Variants in MUC5AC observed in about 807,000 individuals in gnomAD.
MUC5AC encodes the protein mucin-5AC.
A neutral mutation model predicts 169.7 loss-of-function variants in MUC5AC; 158 were observed. That is an observed-to-expected ratio of 0.93 (90% CI 0.82 to 1.06). MUC5AC has a LOEUF of 1.06. Ranked by LOEUF, MUC5AC falls within the 50% of genes least tolerant of loss-of-function variation. The pLI, the probability that MUC5AC is intolerant of heterozygous loss-of-function variation, is 0.00. For synonymous variants in MUC5AC, 1,975 were observed against 1,237.0 expected, an observed-to-expected ratio of 1.60 and a Z score of -12.52; for missense variants, 4,359 against 3,089.9, an observed-to-expected ratio of 1.41 and a Z score of -9.74.
chr11:1,198,767 T>C, intron 43 of MUC5AC, 107 bp from the exon 44 acceptor site: 1 of 647,656 alleles, frequency 1.5e-6, no homozygotes, highest in South Asian at 1.7e-5. Flanking sequence ...GGAAGCGGCC[T>C]GGAGGGGGAT....
rs971791287 is a variant in MUC5AC at position 1,189,620 on chromosome 11, T to A, written c.11475T>A (p.Ser3825=). Residue 3825 remains serine (S), a synonymous_variant, in exon 31 of 49, where the codon TCT becomes TCA. Coordinates refer to ENST00000621226, the MANE Select transcript of MUC5AC (RefSeq NM_001304359.2). ...CCACTCCGCAGACCAGCACAACCTC[T>A]TCCCCTACAACTAGCACAACCTCAG... ...TTSTPQTSTT[S]SPTTSTTSAP... is the part of the protein sequence containing the mutation. 1 of 616,344 alleles carries A rather than the reference T, an allele frequency of 1.6e-6. No individual in the cohort carries two copies. Among genetic ancestry groups the A allele is most frequent in the African/African-American group, 1.9e-5 (1 of 52,380 alleles). 38.2% of individuals were successfully genotyped at this position (616,344 alleles called of 1,614,324 possible).
intron 30 of MUC5AC, 121 bp from the exon 31 acceptor site, chr11:1,182,034 G>C (rs1860826289): frequency 2.5e-6 from 1 of 398,142 alleles, no homozygotes; most frequent in African/African-American, 2.1e-5. Context: ...GGGACCGCGG[G>C]TGGGGACAGG....
In MUC5AC at chr11:1,188,123, C is replaced by T. The variant is rs1554928496; in HGVS notation, c.9978C>T (p.Cys3326=). ...TCTGCTGCGAGACCCCTAAAGGTTGCCCCGTGACCTCCACACCTGTGACAG... is the reference window on the plus strand; with the variant it reads ...TCTGCTGCGAGACCCCTAAAGGTTGTCCCGTGACCTCCACACCTGTGACAG... The part of the protein sequence containing the change: ...RVLCCETPKG[C]PVTSTPVTAP... The change falls in exon 31 of 49, where the codon TGC becomes TGT. Residue 3326 remains cysteine, a synonymous_variant. Coordinates refer to ENST00000621226, the MANE Select transcript of MUC5AC (RefSeq NM_001304359.2). 680 of 730,250 alleles carry T rather than the reference C, an allele frequency of 9.3e-4. 7 individuals carry two copies. In the African/African-American group the frequency reaches 9.7e-3, roughly 10 times the overall value. 45.2% of individuals were successfully genotyped at this position (730,250 alleles called of 1,614,324 possible). A position where few individuals can be genotyped will look rare whatever the true frequency, so the allele number is the denominator to read the frequency against.
chr11:1,197,022 T>C, intron 40 of MUC5AC, 114 bp downstream of exon 40: 1 of 664,896 alleles, frequency 1.5e-6, no homozygotes, highest in Non-Finnish European at 2.7e-6. Context: ...CGGGGTGTCC[T>C]CTCTGTGTCA....
rs1399071116 is a variant in MUC5AC at position 1,175,943 on chromosome 11, GCA to G, written c.2402-200_2402-199del. ...CTCATGCACACACACTCATACTCAT[GCA>G]CACACACTCACACCCAGTTATGCAA... On this transcript the variant is annotated intron_variant, in intron 19 of 48. Coordinates refer to ENST00000621226, the MANE Select transcript of MUC5AC (RefSeq NM_001304359.2). Among the ~76,000 whole-genome samples the G allele has an allele frequency of 4.1e-5, 5 of 121,366 alleles. No homozygotes were observed. In the East Asian group the frequency reaches 9.7e-4, roughly 23 times the overall value. 79.6% of individuals were successfully genotyped at this position (121,366 alleles called of 152,430 possible). A position where few individuals can be genotyped will look rare whatever the true frequency, so the allele number is the denominator to read the frequency against.
In MUC5AC at chr11:1,195,164, A is replaced by T. The variant is rs755678285; in HGVS notation, c.15343A>T (p.Thr5115Ser). ...CCCGACGCCCACCACGGTCGGGCCC[A>T]CCACAGTTGGGTCTACCACGGTCGG... is the stretch of plus-strand genomic sequence containing the variant. ...PHPTPTTVGP[T>S]TVGSTTVGPT... Residue 5115 changes from threonine to serine, a missense_variant, in exon 36 of 49, where the codon ACC (threonine) becomes TCC (serine). By Grantham distance (58) the Thr-to-Ser change is moderately conservative. Transcript: ENST00000621226. The T allele has an allele frequency of 3.9e-6, 3 of 762,168 alleles. No homozygotes were observed. The allele number at this position is 762,168 out of a possible 1,614,324, so 47.2% of individuals were successfully genotyped here. A position where few individuals can be genotyped will look rare whatever the true frequency, so the allele number is the denominator to read the frequency against.
At chr11:1,163,308 C>A (rs564469572) in intron 6 of MUC5AC, among the ~76,000 whole-genome samples, 1 of 152,224 alleles carries the variant, frequency 6.6e-6, no homozygotes. Context: ...GACTGCACGC[C>A]CTCTCCTGAA....
At chr11:1,195,403 C>T in intron 36 of MUC5AC, 124 bp downstream of exon 36, 1 of 656,008 alleles carries the variant, frequency 1.5e-6, no homozygotes, top group Non-Finnish European at 2.8e-6. Context: ...GCTGCTGGTA[C>T]CACAGACCAA....
At chr11:1,200,270 C>G (rs1025750060) in intron 48 of MUC5AC, among the ~76,000 whole-genome samples, 168 bp from the exon 49 acceptor site, 1 of 152,234 alleles carries the variant, frequency 6.6e-6, no homozygotes, top group Non-Finnish European at 1.5e-5. Context: ...CCTGGTGGGA[C>G]TGTTGGCGCC....
rs1405724158 is a variant in MUC5AC, at chr11:1,175,088, G to A, written c.2299G>A (p.Gly767Ser). ...CAGCAACTGTCCCTGCTACCACAGA[G>A]GCTCCATGATCCCCAATGGGGAGTC... ...QASNCPCYHRGSMIPNGESVH... is the reference protein window; with the variant it reads ...QASNCPCYHRSSMIPNGESVH... Residue 767 changes from glycine to serine, a missense_variant, in exon 18 of 49, where the codon GGC becomes AGC. Gly to Ser is a moderately conservative substitution (Grantham distance 56). Transcript: ENST00000621226. The A allele has an allele frequency of 7.5e-6, 3 of 399,334 alleles. No individual in the cohort carries two copies. The highest frequency in any genetic ancestry group is 2.1e-5 in the African/African-American group (1 of 48,622). 24.7% of individuals were successfully genotyped at this position (399,334 alleles called of 1,614,324 possible). A position where few individuals can be genotyped will look rare whatever the true frequency, so the allele number is the denominator to read the frequency against.
intron 30 of MUC5AC, among the ~76,000 whole-genome samples, chr11:1,181,903 C>T (rs1173066775): frequency 2.6e-5 from 4 of 152,346 alleles, no homozygotes; most frequent in Middle Eastern, 3.4e-3. Flanking sequence ...CTGGAACTCA[C>T]GTGTTCTGGG....
intron 6 of MUC5AC, 137 bp from the exon 7 acceptor site, chr11:1,163,745 A>G (rs1185951566): frequency 3.0e-6 from 2 of 674,154 alleles, no homozygotes; most frequent in Non-Finnish European, 5.2e-6. Context: ...CAACTCAGGC[A>G]TCCAGATGGG....
Position 1,185,666 on chromosome 11 carries a change from C to T in MUC5AC, c.7521C>T (p.Ser2507=). The T allele has an allele frequency of 1.4e-6, 1 of 740,182 alleles. No individual in the cohort carries two copies. The highest frequency in any genetic ancestry group is 1.8e-5 in the Admixed American group (1 of 54,666). 45.9% of individuals were successfully genotyped at this position (740,182 alleles called of 1,614,324 possible). A position where few individuals can be genotyped will look rare whatever the true frequency, so the allele number is the denominator to read the frequency against. The change falls in exon 31 of 49, where the codon AGC becomes AGT. Residue 2507 remains serine (S), a synonymous_variant. Coordinates refer to ENST00000621226, the MANE Select transcript of MUC5AC (RefSeq NM_001304359.2). ...GCACAACCTCTTCTCCTACAACCAG[C>T]ACAACCTCTGCTCCTACAACCAGCA... is the stretch of plus-strand genomic sequence containing the variant. The part of the protein sequence containing the change: ...TTSTTSSPTT[S]TTSAPTTSTT...
intron 1 of MUC5AC, among the ~76,000 whole-genome samples, chr11:1,158,673 C>T (rs914570430): frequency 1.3e-5 from 2 of 152,228 alleles, no homozygotes; most frequent in Non-Finnish European, 2.9e-5. Context: ...CAGTTCCCTT[C>T]CTCTGCTTCT....
In MUC5AC at chr11:1,167,944, C is replaced by A. The variant is rs755414645; in HGVS notation, c.1454C>A (p.Thr485Asn). The change falls in exon 12 of 49, where the codon ACC becomes AAC. Residue 485 changes from threonine to asparagine, a missense_variant. By Grantham distance (65) the Thr-to-Asn change is moderately conservative. Coordinates refer to ENST00000621226, the MANE Select transcript of MUC5AC (RefSeq NM_001304359.2). ...LRRCGLTDSE[T>N]CLKSVTLSLD... The stretch of plus-strand genomic sequence containing the variant: ...AGGTGCGGGCTGACGGACAGCGAGA[C>A]CTGCCTGAAGAGCGTGACACTGAGC... 67 of 1,550,802 alleles carry A rather than the reference C, an allele frequency of 4.3e-5. No homozygotes were observed. The highest frequency in any genetic ancestry group is 5.7e-5 in the Non-Finnish European group (65 of 1,147,404).
At chr11:1,195,611 G>T (rs1259417227) in intron 36 of MUC5AC, among the ~76,000 whole-genome samples, 3 of 151,774 alleles carry the variant, frequency 2.0e-5, no homozygotes, top group Non-Finnish European at 4.4e-5. Flanking sequence ...GCAGCTTCCA[G>T]GTTTGCAGGG....
Position 1,176,173 on chromosome 11 carries a change from C to A in MUC5AC, c.2424C>A (p.Phe808Leu). ...CAGTGTGTGCTGCGCCCATGGTGTT[C>A]TTTGACTGCCGAAATGCCACGCCCG... is the stretch of plus-strand genomic sequence containing the variant. Reference protein sequence around the residue: ...PAPVCAAPMVFFDCRNATPGD... With the variant: ...PAPVCAAPMVLFDCRNATPGD... Residue 808 changes from phenylalanine to leucine, a missense_variant, in exon 20 of 49, where the codon TTC becomes TTA. Physicochemically the swap from Phe to Leu is conservative, Grantham distance 22. Transcript: ENST00000621226. 1 of 398,726 alleles carries A rather than the reference C, an allele frequency of 2.5e-6. No homozygotes were observed. The highest frequency in any genetic ancestry group is 4.4e-5 in the Admixed American group (1 of 22,746). The allele number at this position is 398,726 out of a possible 1,614,324, so 24.7% of individuals were successfully genotyped here. A position where few individuals can be genotyped will look rare whatever the true frequency, so the allele number is the denominator to read the frequency against.
At chr11:1,178,768 C>G (rs1481976868) in intron 25 of MUC5AC, 85 bp downstream of exon 25, 1 of 710,226 alleles carries the variant, frequency 1.4e-6, no homozygotes, top group East Asian at 3.4e-5. Context: ...GGAATGGGGT[C>G]TGGGAGACAG....
intron 6 of MUC5AC, 37 bp from the exon 7 acceptor site, chr11:1,163,845 G>A: frequency 6.6e-7 from 1 of 1,516,774 alleles, no homozygotes; most frequent in Non-Finnish European, 9.0e-7. Flanking sequence ...CGGGTACCGG[G>A]ACCTGCAGGC....
Sources: gnomAD v4.1 joint callset for allele counts (sites outside exome capture counted in the v4.1 genomes callset) on GRCh38, gnomAD v4.1.1 for gene constraint, MANE v1.5 for transcripts, NCBI Gene and HGNC (gene_info 2026-07-23, HGNC 2026-07-21) for gene names.